SNED1: variants seen among roughly 807,000 people sequenced by gnomAD.
SNED1 encodes the protein sushi, nidogen and EGF like domains 1.
A neutral mutation model predicts 166.7 loss-of-function variants in SNED1; 81 were observed. The observed-to-expected ratio is 0.49, with a 90% CI of 0.41 to 0.58. The LOEUF (loss-of-function observed/expected upper bound fraction) is 0.58, where lower values mean the gene tolerates loss of function less well. Ranked by LOEUF, SNED1 falls within the 20% of genes least tolerant of loss-of-function variation. The pLI, the probability that SNED1 is intolerant of heterozygous loss-of-function variation, is 0.00. For missense variants in SNED1, 1,604 were observed against 2,000.2 expected, an observed-to-expected ratio of 0.80 and a Z score of 3.78; for synonymous variants, 762 against 822.0, an observed-to-expected ratio of 0.93 and a Z score of 1.25.
chr2:241,090,825 C>A (rs978713141), intron 31 of SNED1, among the ~76,000 whole-genome samples: 1 of 151,216 alleles, frequency 6.6e-6, no homozygotes, highest in Non-Finnish European at 1.5e-5. Flanking sequence ...TGAGATTGCG[C>A]CACTATACTA....
intron 16 of SNED1, among the ~76,000 whole-genome samples, chr2:241,053,565 C>G (rs1379562215): frequency 6.6e-6 from 1 of 152,180 alleles, no homozygotes; most frequent in East Asian, 1.9e-4. Flanking sequence ...CAGAGCAGCC[C>G]GGAGCAGGAG....
chr2:241,073,211 A>C lies in SNED1; in HGVS notation c.3818-55A>C. The C allele has an allele frequency of 7.4e-7, 1 of 1,351,556 alleles. No homozygotes were observed. Among genetic ancestry groups the C allele is most frequent in the South Asian group, 1.3e-5 (1 of 79,550 alleles). 83.7% of individuals were successfully genotyped at this position (1,351,556 alleles called of 1,614,324 possible). A position where few individuals can be genotyped will look rare whatever the true frequency, so the allele number is the denominator to read the frequency against. ...AAGCACTCAAAAGGGTGGCCCCAGG[A>C]CCATCCCGGGTGCAAAGCAGCTGCG... is the stretch of plus-strand genomic sequence containing the variant. On this transcript the variant is annotated intron_variant, in intron 26 of 31. Coordinates refer to ENST00000310397, the MANE Select transcript of SNED1 (RefSeq NM_001080437.3). The surrounding 1 kb of genome is among the most constrained non-coding windows in gnomAD (Gnocchi z 6.6).
At chr2:241,048,564 T>C in intron 9 of SNED1, 98 bp from the exon 10 acceptor site, 2 of 1,497,422 alleles carry the variant, frequency 1.3e-6, no homozygotes, top group Non-Finnish European at 1.8e-6. Flanking sequence ...CCACTGCAAT[T>C]TGTATGGGAA....
At chr2:241,041,318 T>G (rs1033743743) in intron 8 of SNED1, 2 of 157,420 alleles carry the variant, frequency 1.3e-5, no homozygotes, top group Non-Finnish European at 2.8e-5. Context: ...AGGAAACGGA[T>G]AAGTGGTTTC....
intron 30 of SNED1, chr2:241,087,896 G>T: frequency 2.4e-6 from 1 of 423,032 alleles, no homozygotes; most frequent in Non-Finnish European, 4.1e-6. Flanking sequence ...GGCGTTTGCT[G>T]AAAGAAGTAC....
At position 241,049,881 on chromosome 2, in the gene SNED1, C is replaced by T. The variant is rs1194387535; in HGVS notation, c.1683C>T (p.Asp561=). Residue 561 remains aspartate (D), a synonymous_variant, in exon 12 of 32, where the codon GAC becomes GAT. Transcript: ENST00000310397. ...FNGGSCDAHD[D]SYTCECPRGF... ...GAGGCTCCTGCGATGCCCATGACGACTCCTACACCTGCGAGTGCCCGCGCG... is the reference window on the plus strand; with the variant it reads ...GAGGCTCCTGCGATGCCCATGACGATTCCTACACCTGCGAGTGCCCGCGCG... 2 of 1,613,884 alleles carry T rather than the reference C, an allele frequency of 1.2e-6. No individual in the cohort carries two copies. Among genetic ancestry groups the T allele is most frequent in the East Asian group, 4.5e-5 (2 of 44,882 alleles).
intron 30 of SNED1, chr2:241,087,695 T>C: frequency 7.3e-7 from 1 of 1,367,282 alleles, no homozygotes; most frequent in Non-Finnish European, 9.4e-7. Context: ...GCATGCTGGG[T>C]GCTGGGGGGG....
At chr2:241,079,180 A>T (rs1229532406) in intron 27 of SNED1, among the ~76,000 whole-genome samples, 1 of 150,018 alleles carries the variant, frequency 6.7e-6, no homozygotes, top group Non-Finnish European at 1.5e-5. Context: ...TGGGAGGCCG[A>T]GGCAGGTGGA....
chr2:241,069,686 G>A lies in SNED1; in HGVS notation c.3308-234G>A, dbSNP rs1479127151. On this transcript the variant is annotated intron_variant, in intron 23 of 31. Transcript: ENST00000310397. The surrounding 1 kb of genome is among the most constrained non-coding windows in gnomAD (Gnocchi z 4.9). The stretch of plus-strand genomic sequence containing the variant: ...CGGGCCAGGGCCTGGGGGCTTCACA[G>A]GGTGGATCCTAACCCGAGGGGAGGG... Among the ~76,000 whole-genome samples, 4 of 152,158 alleles carry A rather than the reference G, an allele frequency of 2.6e-5. No individual in the cohort carries two copies. The highest frequency in any genetic ancestry group is 9.7e-5 in the African/African-American group (4 of 41,440).
chr2:241,060,841 A>C (rs1489400585), intron 16 of SNED1, among the ~76,000 whole-genome samples: 1 of 152,122 alleles, frequency 6.6e-6, no homozygotes, highest in African/African-American at 2.4e-5. Flanking sequence ...TAGGGTGGGA[A>C]GATCACTTGA....
intron 24 of SNED1, 44 bp downstream of exon 24, chr2:241,070,245 C>T: frequency 6.4e-7 from 1 of 1,550,868 alleles, no homozygotes. Context: ...CAGTGTTTGC[C>T]AGCCCTCCAC....
chr2:241,078,251 CGG>C (rs2063133977), intron 27 of SNED1, among the ~76,000 whole-genome samples: 1 of 151,508 alleles, frequency 6.6e-6, no homozygotes, highest in Non-Finnish European at 1.5e-5. Flanking sequence ...GGCGTGGTGG[CGG>C]GCGCCTGTAG....
intron 1 of SNED1, among the ~76,000 whole-genome samples, chr2:241,011,238 AGGTCTCCTG>A (rs1183836737): frequency 7.6e-4 from 50 of 65,806 alleles, no homozygotes; most frequent in African/African-American, 4.3e-3. Flanking sequence ...TGGGGGTTGC[AGGTCTCCTG>A]GGTCTCCTGG....
rs565860583 is a variant in SNED1 at position 241,050,995 on chromosome 2, G to C, written c.1736-749G>C. On this transcript the variant is annotated intron_variant, in intron 12 of 31. Coordinates refer to ENST00000310397, the MANE Select transcript of SNED1 (RefSeq NM_001080437.3). The stretch of plus-strand genomic sequence containing the variant: ...ACCAATGTGGACACCTCTGACCCCG[G>C]AGGGAGTACGGAAGGGACAAGGATG... Among the ~76,000 whole-genome samples, 36 of 152,360 alleles carry C rather than the reference G, an allele frequency of 2.4e-4. 2 individuals carry two copies. The South Asian group carries it at 7.2e-3, about 31-fold the overall frequency.
At chr2:241,083,752 T>G (rs2063444393) in intron 29 of SNED1, among the ~76,000 whole-genome samples, 1 of 152,150 alleles carries the variant, frequency 6.6e-6, no homozygotes, top group African/African-American at 2.4e-5. Flanking sequence ...TTTTAACCTA[T>G]CTGCATATTT....
intron 16 of SNED1, among the ~76,000 whole-genome samples, chr2:241,058,398 A>G (rs1054366889): frequency 3.3e-5 from 5 of 152,218 alleles, no homozygotes; most frequent in Non-Finnish European, 5.9e-5. Flanking sequence ...AAAATACGAA[A>G]TGATGCTGAA....
At chr2:241,056,734 C>A (rs923127370) in intron 16 of SNED1, among the ~76,000 whole-genome samples, 2 of 151,938 alleles carry the variant, frequency 1.3e-5, no homozygotes, top group Non-Finnish European at 2.9e-5. Flanking sequence ...GCGCCCATCA[C>A]CACGCCCGGC....
chr2:241,078,858 A>G (rs1263156985), intron 27 of SNED1, among the ~76,000 whole-genome samples: 1 of 152,096 alleles, frequency 6.6e-6, no homozygotes, highest in Non-Finnish European at 1.5e-5. Flanking sequence ...TCATGCCTGT[A>G]ATCCCAGCAC....
Position 241,064,791 on chromosome 2 carries a change from G to A in SNED1, c.2600-53G>A. The A allele has an allele frequency of 2.3e-6, 3 of 1,332,810 alleles. No individual in the cohort carries two copies. The highest frequency in any genetic ancestry group is 3.0e-6 in the Non-Finnish European group (3 of 985,426). The allele number at this position is 1,332,810 out of a possible 1,614,324, so 82.6% of individuals were successfully genotyped here. ...CCCCAGGAGCAAGGGCGGGGCTGGA[G>A]CAGGGACCCCTGGCCACGCCCCAAC... is the stretch of plus-strand genomic sequence containing the variant. On this transcript the variant is annotated intron_variant, in intron 19 of 31. Coordinates refer to ENST00000310397, the MANE Select transcript of SNED1 (RefSeq NM_001080437.3). The surrounding 1 kb of genome is among the most constrained non-coding windows in gnomAD (Gnocchi z 7.0).
Sources: allele counts gnomAD v4.1 joint callset (sites outside exome capture counted in the v4.1 genomes callset), GRCh38; gene constraint gnomAD v4.1.1; non-coding constraint Gnocchi (gnomAD v3.1); transcripts MANE v1.5; gene names NCBI Gene and HGNC (gene_info 2026-07-23, HGNC 2026-07-21).